HTRA1: variants seen among roughly 807,000 people sequenced by gnomAD.
HTRA1 encodes serine protease HTRA1.
HTRA1 carries 26 observed loss-of-function variants against 49.7 expected under a neutral mutation model. The observed-to-expected ratio is 0.52, with a 90% CI of 0.38 to 0.73. HTRA1 has a LOEUF of 0.73. Ranked by LOEUF, HTRA1 falls within the 30% of genes least tolerant of loss-of-function variation. The pLI is 0.00. For synonymous variants in HTRA1, 291 were observed against 286.9 expected (o/e 1.01, Z -0.14); for missense variants, 561 against 667.2 (o/e 0.84, Z 1.75).
At chr10:122,503,224 C>G (rs767484131) in intron 3 of HTRA1, among the ~76,000 whole-genome samples, 9 of 152,250 alleles carry the variant, frequency 5.9e-5, no homozygotes, top group Non-Finnish European at 1.3e-4. Context: ...GCACTTCCAG[C>G]CATATCTGTG....
chr10:122,505,224 C>A (rs1468137691), intron 3 of HTRA1, among the ~76,000 whole-genome samples: 1 of 152,164 alleles, frequency 6.6e-6, no homozygotes, highest in African/African-American at 2.4e-5. Flanking sequence ...CGCAGCCTGG[C>A]CCCAGGTGTG....
intron 3 of HTRA1, among the ~76,000 whole-genome samples, chr10:122,502,401 C>T (rs2097501250): frequency 6.6e-6 from 1 of 152,212 alleles, no homozygotes; most frequent in African/African-American, 2.4e-5. Flanking sequence ...CTCCCACTAC[C>T]TGGTCAGCAT....
rs200660606 is a variant in HTRA1, at chr10:122,508,609, C to T, written c.1006-47C>T. The T allele has an allele frequency of 2.4e-5, 29 of 1,204,012 alleles. No individual in the cohort carries two copies. In the Admixed American group the frequency reaches 2.7e-4, roughly 11 times the overall value. 74.6% of individuals were successfully genotyped at this position (1,204,012 alleles called of 1,614,324 possible). On this transcript the variant is annotated intron_variant, in intron 5 of 8. Transcript: ENST00000368984. Reference sequence around the variant, plus strand: ...ATATTCTCTCTGGGTGTGTACCTGCCGGTAAAGCTTCACGATTCAGTAAGC... The same window carrying T: ...ATATTCTCTCTGGGTGTGTACCTGCTGGTAAAGCTTCACGATTCAGTAAGC...
At chr10:122,513,140 T>C (rs1565438686) in intron 8 of HTRA1, among the ~76,000 whole-genome samples, 1 of 152,110 alleles carries the variant, frequency 6.6e-6, no homozygotes, top group Non-Finnish European at 1.5e-5. Context: ...TGGAGCCCTT[T>C]ACAGAAAAAG....
At chr10:122,471,603 C>T (rs2097486159) in intron 1 of HTRA1, among the ~76,000 whole-genome samples, 1 of 152,184 alleles carries the variant, frequency 6.6e-6, no homozygotes, top group African/African-American at 2.4e-5. Flanking sequence ...AGTATGAAAC[C>T]TGAGGGTGAA....
rs773640307 is a variant in HTRA1 at position 122,461,920 on chromosome 10, G to A, written c.268G>A (p.Val90Met). ...EGPCGEGLQCVVPFGVPASAT... is the reference protein window; with the variant it reads ...EGPCGEGLQCMVPFGVPASAT... ...CCCGTGCGGCGAGGGGCTGCAGTGC[G>A]TGGTGCCCTTCGGGGTGCCAGCCTC... The change falls in exon 1 of 9, where the codon GTG becomes ATG. Residue 90 changes from valine (V) to methionine (M), a missense_variant. Physicochemically the swap from Val to Met is conservative, Grantham distance 21. This residue lies in a region of HTRA1 where 271 missense variants were observed against 410.0 expected (regional missense o/e 0.66). Coordinates refer to ENST00000368984, the MANE Select transcript of HTRA1 (RefSeq NM_002775.5). 4 of 1,473,228 alleles carry A rather than the reference G, an allele frequency of 2.7e-6. No individual in the cohort carries two copies. The Admixed American group carries it at 6.9e-5, about 26-fold the overall frequency. The allele number at this position is 1,473,228 out of a possible 1,614,324, so 91.3% of individuals were successfully genotyped here. A position where few individuals can be genotyped will look rare whatever the true frequency, so the allele number is the denominator to read the frequency against.
chr10:122,497,040 C>T (rs890687420), intron 3 of HTRA1, among the ~76,000 whole-genome samples: 6 of 152,142 alleles, frequency 3.9e-5, no homozygotes, highest in African/African-American at 1.2e-4. Context: ...GATGCAGTTC[C>T]GTAGCTGGTT....
At chr10:122,481,199 C>T (rs1042961257) in intron 1 of HTRA1, among the ~76,000 whole-genome samples, 2 of 152,178 alleles carry the variant, frequency 1.3e-5, no homozygotes, top group Admixed American at 6.5e-5. Context: ...ACCAGGGGAA[C>T]CAGCAGTTTC....
chr10:122,497,201 G>A (rs2097499088), intron 3 of HTRA1, among the ~76,000 whole-genome samples: 1 of 152,138 alleles, frequency 6.6e-6, no homozygotes, highest in Non-Finnish European at 1.5e-5. Flanking sequence ...TGTGACTCAT[G>A]GTATTTCCTT....
intron 7 of HTRA1, among the ~76,000 whole-genome samples, chr10:122,511,136 T>C (rs1348802299): frequency 1.3e-5 from 2 of 152,194 alleles, no homozygotes; most frequent in Non-Finnish European, 2.9e-5. Flanking sequence ...GCTTCTGATG[T>C]GTGGCCAGGC....
At chr10:122,479,267 G>T (rs2097489945) in intron 1 of HTRA1, among the ~76,000 whole-genome samples, 1 of 152,114 alleles carries the variant, frequency 6.6e-6, no homozygotes, top group South Asian at 2.1e-4. Flanking sequence ...GGCTGCGGGG[G>T]GCTGGAGGCT....
chr10:122,475,992 T>TG (rs2097488294), intron 1 of HTRA1, among the ~76,000 whole-genome samples: 2 of 152,228 alleles, frequency 1.3e-5, no homozygotes, highest in South Asian at 4.1e-4. Flanking sequence ...ATGAGTGTTG[T>TG]GGGGCAGCTT....
chr10:122,512,510 T>C (rs1377658264), intron 8 of HTRA1, among the ~76,000 whole-genome samples: 1 of 152,122 alleles, frequency 6.6e-6, no homozygotes, highest in East Asian at 1.9e-4. Context: ...ACCCAAGTGA[T>C]ATCAAAGTAA....
At chr10:122,512,111 T>A in intron 8 of HTRA1, 46 bp downstream of exon 8, 1 of 1,348,750 alleles carries the variant, frequency 7.4e-7, no homozygotes, top group Non-Finnish European at 1.1e-6. Context: ...TTGTTGTTCC[T>A]GTGGGGGTAG....
intron 1 of HTRA1, among the ~76,000 whole-genome samples, chr10:122,473,585 T>C (rs1443384540): frequency 6.6e-6 from 1 of 152,176 alleles, no homozygotes; most frequent in Non-Finnish European, 1.5e-5. Context: ...AACAGCTTTA[T>C]TGAGAGATAA....
intron 1 of HTRA1, among the ~76,000 whole-genome samples, chr10:122,474,360 C>T (rs1271632851): frequency 6.6e-6 from 1 of 152,134 alleles, no homozygotes; most frequent in African/African-American, 2.4e-5. Context: ...GTTCCCCTCG[C>T]ATGGGGGCTG....
intron 3 of HTRA1, among the ~76,000 whole-genome samples, chr10:122,499,554 G>A (rs550623419): frequency 8.5e-5 from 13 of 152,118 alleles, no homozygotes; most frequent in South Asian, 4.2e-4. Flanking sequence ...CCGCTGACCC[G>A]CCCTTTTTCA....
intron 1 of HTRA1, among the ~76,000 whole-genome samples, chr10:122,488,389 G>A (rs1421346596): frequency 1.3e-5 from 2 of 152,116 alleles, no homozygotes; most frequent in African/African-American, 4.8e-5. Flanking sequence ...CCAACGTGGT[G>A]AAACCCGGTC....
rs184984078 is a variant in HTRA1 at position 122,473,371 on chromosome 10, A to G, written c.472+11247A>G. 4.6e-5 allele frequency among the ~76,000 whole-genome samples: 7 copies of G among 152,302 alleles called. No individual in the cohort carries two copies. The East Asian group carries it at 1.4e-3, about 29-fold the overall frequency. ...GGAAGCCCAGCCCAGAGCTCGCTGC[A>G]CTGAGCCTCTCGGATGCCAGCTCTG... On this transcript the variant is annotated intron_variant, in intron 1 of 8. Transcript: ENST00000368984.
Sources: allele counts gnomAD v4.1 joint callset (sites outside exome capture counted in the v4.1 genomes callset), GRCh38; gene constraint gnomAD v4.1.1; regional missense constraint gnomAD v4.1.1; transcripts MANE v1.5; gene names NCBI Gene and HGNC (gene_info 2026-07-23, HGNC 2026-07-21).